TMEM135: variants seen among roughly 807,000 people sequenced by gnomAD.
TMEM135 encodes the protein transmembrane protein 135, also known as peroxisomal membrane protein 52.
TMEM135 carries 30 observed loss-of-function variants against 60.3 expected under a neutral mutation model. The ratio of observed to expected loss-of-function variants is 0.50; its 90% CI spans 0.37 to 0.68. TMEM135 has a LOEUF of 0.68. Ranked by LOEUF, TMEM135 falls within the 30% of genes least tolerant of loss-of-function variation. The pLI is 0.00. For missense variants in TMEM135, 468 were observed against 548.8 expected (o/e 0.85, Z 1.47); for synonymous variants, 190 against 186.7 (o/e 1.02, Z -0.14).
chr11:87,100,054 C>A (rs2135182116), intron 4 of TMEM135, among the ~76,000 whole-genome samples: 1 of 152,160 alleles, frequency 6.6e-6, no homozygotes, highest in East Asian at 1.9e-4. Context: ...GTAGAAGAAA[C>A]CTTTGAATCT....
intron 1 of TMEM135, among the ~76,000 whole-genome samples, chr11:87,045,587 T>G (rs1001939507): frequency 1.3e-5 from 2 of 152,240 alleles, no homozygotes; most frequent in African/African-American, 4.8e-5. Flanking sequence ...CCTGGAGGAA[T>G]GAGGGAGTCA....
At chr11:87,278,823 T>C (rs183184776) in intron 6 of TMEM135, among the ~76,000 whole-genome samples, 15 of 152,324 alleles carry the variant, frequency 9.8e-5, no homozygotes, top group African/African-American at 3.1e-4. Flanking sequence ...AAAATTTCTT[T>C]TGTGCATTTT....
chr11:87,128,043 T>C (rs1330739471), intron 4 of TMEM135, among the ~76,000 whole-genome samples: 1 of 152,214 alleles, frequency 6.6e-6, no homozygotes, highest in Non-Finnish European at 1.5e-5. Context: ...GAATCTTACT[T>C]TGGCTTTTTT....
At chr11:87,266,239 T>C (rs1268436598) in intron 6 of TMEM135, among the ~76,000 whole-genome samples, 2 of 152,136 alleles carry the variant, frequency 1.3e-5, no homozygotes, top group Admixed American at 1.3e-4. Context: ...TCTCCACCCC[T>C]AAGTCCCTCA....
At chr11:87,073,658 G>T in intron 3 of TMEM135, among the ~76,000 whole-genome samples, 1 of 152,122 alleles carries the variant, frequency 6.6e-6, no homozygotes, top group Admixed American at 6.6e-5. Flanking sequence ...TCTATTTGTA[G>T]GATTGTTTAT....
In TMEM135 at chr11:87,323,405, C is replaced by T. The variant is rs2134545097; in HGVS notation, c.*2072C>T. Reference sequence around the variant, plus strand: ...TGCAAAGTGTAGTTGTTTGAGCAAACACAAAGAAACTTTGTGTTTTTGAAG... The same window carrying T: ...TGCAAAGTGTAGTTGTTTGAGCAAATACAAAGAAACTTTGTGTTTTTGAAG... On this transcript the variant is annotated 3_prime_UTR_variant, in exon 15 of 15. Coordinates refer to ENST00000305494, the MANE Select transcript of TMEM135 (RefSeq NM_022918.4). 1 of 453,968 alleles carries T rather than the reference C, an allele frequency of 2.2e-6. No homozygotes were observed. The highest frequency in any genetic ancestry group is 1.6e-5 in the South Asian group (1 of 64,478). 28.1% of individuals were successfully genotyped at this position (453,968 alleles called of 1,614,324 possible). A position where few individuals can be genotyped will look rare whatever the true frequency, so the allele number is the denominator to read the frequency against.
intron 4 of TMEM135, among the ~76,000 whole-genome samples, chr11:87,103,806 C>T (rs187730296): frequency 1.1e-4 from 16 of 152,076 alleles, no homozygotes; most frequent in Admixed American, 5.2e-4. Context: ...CAGCGCATGT[C>T]ACTATGCCCG....
chr11:87,197,329 G>A (rs924217256), intron 5 of TMEM135, among the ~76,000 whole-genome samples: 2 of 152,126 alleles, frequency 1.3e-5, no homozygotes, highest in Admixed American at 6.5e-5. Flanking sequence ...GGCATAAAGG[G>A]TAAAACGTAT....
intron 6 of TMEM135, among the ~76,000 whole-genome samples, chr11:87,268,569 T>C (rs1941799567): frequency 6.6e-6 from 1 of 152,224 alleles, no homozygotes; most frequent in Non-Finnish European, 1.5e-5. Context: ...TCTTAATCTT[T>C]GTTTTAAGAG....
At chr11:87,057,803 G>GTGTGTGTGTGTGTT (rs1242615115) in intron 1 of TMEM135, among the ~76,000 whole-genome samples, 15 of 151,636 alleles carry the variant, frequency 9.9e-5, no homozygotes, top group African/African-American at 4.9e-5. Flanking sequence ...CTCTGTGTGT[G>GTGTGTGTGTGTGTT]TGTGTGTGTG....
intron 6 of TMEM135, among the ~76,000 whole-genome samples, chr11:87,248,449 T>A (rs1941340117): frequency 6.6e-6 from 1 of 152,202 alleles, no homozygotes; most frequent in South Asian, 2.1e-4. Context: ...TCTCTGATGA[T>A]CAGTGATGTT....
At chr11:87,089,294 G>C (rs1857158697) in intron 3 of TMEM135, among the ~76,000 whole-genome samples, 1 of 152,140 alleles carries the variant, frequency 6.6e-6, no homozygotes, top group Non-Finnish European at 1.5e-5. Context: ...CAGAACTTTG[G>C]GGTGCCAGGG....
chr11:87,104,032 C>T (rs1379766679), intron 4 of TMEM135, among the ~76,000 whole-genome samples: 2 of 152,016 alleles, frequency 1.3e-5, no homozygotes, highest in African/African-American at 4.8e-5. Context: ...GAAGCTTTTG[C>T]CCTATATTTT....
At chr11:87,107,459 C>CACCAA (rs1388946469) in intron 4 of TMEM135, among the ~76,000 whole-genome samples, 1 of 150,966 alleles carries the variant, frequency 6.6e-6, no homozygotes, top group Non-Finnish European at 1.5e-5. Context: ...GTTCTCCACC[C>CACCAA]TGTGTCCAAG....
chr11:87,097,611 G>A (rs1330182098), intron 4 of TMEM135, among the ~76,000 whole-genome samples: 1 of 152,110 alleles, frequency 6.6e-6, no homozygotes, highest in African/African-American at 2.4e-5. Flanking sequence ...TGTGGTTATG[G>A]GGGGGTCTTT....
chr11:87,313,994 T>C (rs1443753899), intron 11 of TMEM135, among the ~76,000 whole-genome samples: 4 of 151,820 alleles, frequency 2.6e-5, no homozygotes, highest in Non-Finnish European at 4.4e-5. Flanking sequence ...TTATTAGTAT[T>C]CGACACCTCC....
intron 6 of TMEM135, among the ~76,000 whole-genome samples, chr11:87,282,059 G>C (rs556607914): frequency 2.0e-5 from 3 of 152,216 alleles, no homozygotes; most frequent in Non-Finnish European, 4.4e-5. Context: ...TGCAGAGATT[G>C]TTGGGCCCCA....
At chr11:87,053,491 G>A (rs573064222) in intron 1 of TMEM135, among the ~76,000 whole-genome samples, 4 of 152,250 alleles carry the variant, frequency 2.6e-5, no homozygotes, top group Non-Finnish European at 5.9e-5. Flanking sequence ...GTGGTAGGCA[G>A]GTGGTAGGTG....
At chr11:87,278,984 ATTTT>A (rs34112632) in intron 6 of TMEM135, among the ~76,000 whole-genome samples, 6 of 148,428 alleles carry the variant, frequency 4.0e-5, no homozygotes, top group Non-Finnish European at 6.0e-5. Flanking sequence ...GCTTCTCAGC[ATTTT>A]TTTTTTTTTG....
Sources: gnomAD v4.1 joint callset for allele counts (sites outside exome capture counted in the v4.1 genomes callset) on GRCh38, gnomAD v4.1.1 for gene constraint, MANE v1.5 for transcripts, NCBI Gene and HGNC (gene_info 2026-07-23, HGNC 2026-07-21) for gene names.